LYPD6: variants seen among roughly 807,000 people sequenced by gnomAD.
LYPD6 encodes the protein ly6/PLAUR domain-containing protein 6.
In LYPD6, 15 loss-of-function variants were observed where a neutral mutation model predicts 22.7. That is an observed-to-expected ratio of 0.66 (90% CI 0.44 to 1.02). LYPD6 has a LOEUF of 1.02. Among genes scored for constraint, LYPD6 ranks in the 50% least tolerant of loss-of-function variants. The probability of loss-of-function intolerance (pLI) is 0.00; values close to 1 mark genes in which losing one functional copy is unlikely to be tolerated. For synonymous variants in LYPD6, 72 were observed against 77.5 expected (o/e 0.93, Z 0.37); for missense variants, 189 against 208.4 (o/e 0.91, Z 0.57).
intron 1 of LYPD6, among the ~76,000 whole-genome samples, chr2:149,414,283 T>A: frequency 6.6e-6 from 1 of 152,228 alleles, no homozygotes. Context: ...TACTAAATGG[T>A]CCCTAATGTA....
chr2:149,351,964 C>T (rs149231600), intron 1 of LYPD6, among the ~76,000 whole-genome samples: 1 of 151,770 alleles, frequency 6.6e-6, no homozygotes, highest in Non-Finnish European at 1.5e-5. Context: ...GTGAGCTGCC[C>T]CTGCCCTGCG....
intron 3 of LYPD6, among the ~76,000 whole-genome samples, chr2:149,464,633 C>T (rs1013039675): frequency 1.3e-5 from 2 of 152,096 alleles, no homozygotes; most frequent in African/African-American, 4.8e-5. Flanking sequence ...TCAGGCAGGC[C>T]AAATAAGCCT....
At chr2:149,408,990 A>G (rs1056333845) in intron 1 of LYPD6, among the ~76,000 whole-genome samples, 4 of 152,062 alleles carry the variant, frequency 2.6e-5, no homozygotes, top group African/African-American at 9.7e-5. Flanking sequence ...TTGTTTTGTC[A>G]TATTACCAGA....
At chr2:149,408,430 T>G (rs1227698840) in intron 1 of LYPD6, among the ~76,000 whole-genome samples, 2 of 152,220 alleles carry the variant, frequency 1.3e-5, no homozygotes, top group Non-Finnish European at 2.9e-5. Context: ...GTTCTTTGAG[T>G]TTCTTCTATT....
At chr2:149,336,937 G>GTGTGTGTA (rs1553513661) in intron 1 of LYPD6, among the ~76,000 whole-genome samples, 1 of 151,644 alleles carries the variant, frequency 6.6e-6, no homozygotes, top group Non-Finnish European at 1.5e-5. Context: ...ACGTGTGTGT[G>GTGTGTGTA]TGTGTGTGTG....
intron 1 of LYPD6, among the ~76,000 whole-genome samples, chr2:149,422,749 C>G (rs1179969997): frequency 6.6e-6 from 1 of 152,108 alleles, no homozygotes; most frequent in African/African-American, 2.4e-5. Context: ...ACCAACGTCT[C>G]CCATCTATCT....
chr2:149,371,358 TAA>T (rs1681804965), intron 1 of LYPD6, among the ~76,000 whole-genome samples: 1 of 152,234 alleles, frequency 6.6e-6, no homozygotes, highest in African/African-American at 2.4e-5. Flanking sequence ...TTAGCAAGGC[TAA>T]GTGAGAATTA....
chr2:149,453,376 T>C (rs2105166610), intron 3 of LYPD6, among the ~76,000 whole-genome samples: 1 of 152,306 alleles, frequency 6.6e-6, no homozygotes, highest in South Asian at 2.1e-4. Flanking sequence ...TCAAAGACAT[T>C]CCAGTTTTTA....
chr2:149,460,627 C>T (rs926877508), intron 3 of LYPD6, among the ~76,000 whole-genome samples: 2 of 152,096 alleles, frequency 1.3e-5, no homozygotes, highest in African/African-American at 4.8e-5. Flanking sequence ...GCACCATTAA[C>T]CAACAGAATC....
At chr2:149,342,212 T>G (rs1681175849) in intron 1 of LYPD6, among the ~76,000 whole-genome samples, 1 of 152,128 alleles carries the variant, frequency 6.6e-6, no homozygotes, top group African/African-American at 2.4e-5. Flanking sequence ...CACAAAACTA[T>G]TAATGAAGGA....
chr2:149,468,902 A>G (rs1196660), intron 4 of LYPD6, 127 bp downstream of exon 4: 728,319 of 952,096 alleles, frequency 0.76, 284,470 homozygotes, highest in East Asian at 0.88. Context: ...TTTATGCTCT[A>G]TGAAAAGACG....
At chr2:149,384,213 A>G (rs1225767601) in intron 1 of LYPD6, among the ~76,000 whole-genome samples, 1 of 152,168 alleles carries the variant, frequency 6.6e-6, no homozygotes, top group Non-Finnish European at 1.5e-5. Flanking sequence ...TTCATATTTT[A>G]TTTACTAAGG....
At chr2:149,442,930 T>A (rs1413003676) in intron 2 of LYPD6, among the ~76,000 whole-genome samples, 3 of 152,276 alleles carry the variant, frequency 2.0e-5, no homozygotes, top group South Asian at 4.2e-4. Context: ...TGCACAGATA[T>A]GGAGCTGTAG....
At chr2:149,424,105 T>C (rs1683140901) in intron 1 of LYPD6, among the ~76,000 whole-genome samples, 1 of 144,696 alleles carries the variant, frequency 6.9e-6, no homozygotes, top group East Asian at 2.0e-4. Flanking sequence ...TCCAAGTTCC[T>C]GTAGCATGCG....
At chr2:149,476,623 T>C (rs1283972533), downstream of LYPD6, among the ~76,000 whole-genome samples, 1 of 152,194 alleles carries the variant, frequency 6.6e-6, no homozygotes, top group African/African-American at 2.4e-5. Context: ...GCCACCAGGA[T>C]GTAGCCATGA....
chr2:149,468,912 G>A lies in LYPD6; in HGVS notation c.348+137G>A, dbSNP rs577254864. The A allele has an allele frequency of 6.4e-5, 54 of 849,060 alleles. 1 individual carries two copies. In the South Asian group the frequency reaches 7.1e-4, roughly 11 times the overall value. 52.6% of individuals were successfully genotyped at this position (849,060 alleles called of 1,614,324 possible). On this transcript the variant is annotated intron_variant, in intron 4 of 4. Transcript: ENST00000334166. ...TTGTCTTTATGCTCTATGAAAAGACGCTTCCTTTCCTGTTTACTCTAAAAG... is the reference window on the plus strand; with the variant it reads ...TTGTCTTTATGCTCTATGAAAAGACACTTCCTTTCCTGTTTACTCTAAAAG...
At chr2:149,480,771 G>A in the LYPD6 span, among the ~76,000 whole-genome samples, 743 of 152,252 alleles carry the variant, frequency 4.9e-3, 9 homozygotes, top group African/African-American at 0.017. Flanking sequence ...AGTCCTCCTC[G>A]TGAAGTGATG....
chr2:149,466,812 C>A (rs1681210517), intron 3 of LYPD6, among the ~76,000 whole-genome samples: 1 of 148,926 alleles, frequency 6.7e-6, no homozygotes, highest in Non-Finnish European at 1.5e-5. Flanking sequence ...ACATTTGGAG[C>A]AGTAAAACCT....
chr2:149,331,291 C>G (rs1026637942), intron 1 of LYPD6, among the ~76,000 whole-genome samples: 10 of 152,222 alleles, frequency 6.6e-5, no homozygotes, highest in Non-Finnish European at 1.5e-5. Flanking sequence ...GACCATCCAC[C>G]CACAGAGTTG....
Sources: gnomAD v4.1 joint callset for allele counts (sites outside exome capture counted in the v4.1 genomes callset) on GRCh38, gnomAD v4.1.1 for gene constraint, MANE v1.5 for transcripts, NCBI Gene and HGNC (gene_info 2026-07-23, HGNC 2026-07-21) for gene names.